Variants in CNTN3 observed in about 807,000 individuals in gnomAD.
The protein encoded by CNTN3 is contactin-3.
A neutral mutation model predicts 119.1 loss-of-function variants in CNTN3; 60 were observed. The ratio of observed to expected loss-of-function variants is 0.50; its 90% CI spans 0.41 to 0.62. CNTN3 has a LOEUF of 0.62. Among genes scored for constraint, CNTN3 ranks in the 20% least tolerant of loss-of-function variants. CNTN3 has a pLI of 0.00. For missense variants in CNTN3, 1,101 were observed against 1,242.4 expected, an observed-to-expected ratio of 0.89 and a Z score of 1.71; for synonymous variants, 450 against 438.7, an observed-to-expected ratio of 1.03 and a Z score of -0.32.
intron 8 of CNTN3, among the ~76,000 whole-genome samples, chr3:74,367,648 GAA>G (rs556422700): frequency 5.8e-4 from 86 of 147,138 alleles, no homozygotes; most frequent in African/African-American, 2.1e-3. Context: ...TGCAGAAAAG[GAA>G]AAAAAAAATA....
At chr3:74,461,142 T>A (rs897899807) in intron 4 of CNTN3, among the ~76,000 whole-genome samples, 2 of 152,056 alleles carry the variant, frequency 1.3e-5, no homozygotes, top group African/African-American at 4.8e-5. Context: ...ATATGATGTG[T>A]TATATTGACT....
At chr3:74,329,532 G>T (rs965455048) in intron 13 of CNTN3, among the ~76,000 whole-genome samples, 3 of 152,118 alleles carry the variant, frequency 2.0e-5, no homozygotes, top group African/African-American at 7.2e-5. Flanking sequence ...TCTCTGTAGG[G>T]AGCCTCTGGC....
At chr3:74,460,834 C>CT (rs534972163) in intron 4 of CNTN3, among the ~76,000 whole-genome samples, 1,109 of 72,714 alleles carry the variant, frequency 0.015, 28 homozygotes, top group African/African-American at 0.048. Context: ...TCATTTCTTT[C>CT]TTTTTTTTTT....
At chr3:74,371,005 C>A (rs529032657) in intron 6 of CNTN3, among the ~76,000 whole-genome samples, 191 bp downstream of exon 6, 1 of 151,972 alleles carries the variant, frequency 6.6e-6, no homozygotes, top group African/African-American at 2.4e-5. Context: ...GAAGCTTGCC[C>A]GGGGTAAGAA....
intron 4 of CNTN3, among the ~76,000 whole-genome samples, chr3:74,451,082 T>A (rs1219005581): frequency 6.6e-6 from 1 of 152,096 alleles, no homozygotes; most frequent in Non-Finnish European, 1.5e-5. Flanking sequence ...CCCTGAGGAA[T>A]CGCCACACTG....
chr3:74,590,777 T>C (rs1215977175), intron 1 of CNTN3, among the ~76,000 whole-genome samples: 1 of 151,976 alleles, frequency 6.6e-6, no homozygotes, highest in Non-Finnish European at 1.5e-5. Flanking sequence ...GAAGACTGAA[T>C]TCATAACATT....
rs672784 is a variant in CNTN3, at chr3:74,302,910, T to C, written c.1669-103A>G. On this transcript the variant is annotated intron_variant, in intron 13 of 22. Coordinates refer to ENST00000263665, the MANE Select transcript of CNTN3 (RefSeq NM_020872.3). ...CAACAACATTGCAATGAAAACTATA[T>C]TTAGGGAGCAAACCAAGGTGGTATA... The C allele has an allele frequency of 0.34, 229,781 of 681,490 alleles. 45,873 individuals are homozygous for C. Among genetic ancestry groups the C allele is most frequent in the East Asian group, 0.72 (27,008 of 37,288 alleles). 42.2% of individuals were successfully genotyped at this position (681,490 alleles called of 1,614,324 possible).
intron 13 of CNTN3, among the ~76,000 whole-genome samples, chr3:74,330,645 T>C (rs764043688): frequency 1.3e-5 from 2 of 152,160 alleles, no homozygotes; most frequent in African/African-American, 2.4e-5. Flanking sequence ...GAGTCTCATA[T>C]AGGTCCTTCA....
chr3:74,427,062 C>T (rs920301209), intron 4 of CNTN3, among the ~76,000 whole-genome samples: 7 of 152,134 alleles, frequency 4.6e-5, no homozygotes, highest in African/African-American at 1.7e-4. Context: ...TCTCTTTTGC[C>T]TAAGCACAAA....
intron 1 of CNTN3, among the ~76,000 whole-genome samples, chr3:74,524,667 C>T (rs1703590414): frequency 6.6e-6 from 1 of 151,766 alleles, no homozygotes. Flanking sequence ...CACCACTCCC[C>T]CATCAACTAC....
intron 5 of CNTN3, among the ~76,000 whole-genome samples, chr3:74,397,953 T>C (rs1283495809): frequency 6.6e-6 from 1 of 152,200 alleles, no homozygotes; most frequent in Non-Finnish European, 1.5e-5. Flanking sequence ...AAGATGTGAC[T>C]GAATTGCTAC....
intron 4 of CNTN3, among the ~76,000 whole-genome samples, chr3:74,451,188 T>G (rs1397434090): frequency 6.6e-6 from 1 of 152,164 alleles, no homozygotes; most frequent in Non-Finnish European, 1.5e-5. Context: ...GTTTCCTGAC[T>G]TTTTAATGAT....
intron 13 of CNTN3, among the ~76,000 whole-genome samples, chr3:74,325,923 C>T (rs1241677455): frequency 3.9e-5 from 6 of 152,106 alleles, no homozygotes; most frequent in South Asian, 4.1e-4. Flanking sequence ...AATGACGAGG[C>T]ATCATTACTT....
chr3:74,375,109 AT>A (rs1186647875), intron 5 of CNTN3, among the ~76,000 whole-genome samples: 1 of 152,218 alleles, frequency 6.6e-6, no homozygotes, highest in East Asian at 1.9e-4. Context: ...TTGAAATGAT[AT>A]GTAACTGAAT....
chr3:74,449,460 T>A (rs1477872624), intron 4 of CNTN3, among the ~76,000 whole-genome samples: 1 of 152,066 alleles, frequency 6.6e-6, no homozygotes, highest in African/African-American at 2.4e-5. Flanking sequence ...CTTTTATTTA[T>A]AATAATCAGC....
chr3:74,419,325 C>T (rs529918651), intron 5 of CNTN3, among the ~76,000 whole-genome samples: 18 of 152,122 alleles, frequency 1.2e-4, no homozygotes, highest in Admixed American at 3.3e-4. Context: ...CTATTCAGTG[C>T]GTTTTCTTCA....
chr3:74,513,500 G>C (rs1418770712), intron 2 of CNTN3, among the ~76,000 whole-genome samples: 2 of 152,074 alleles, frequency 1.3e-5, no homozygotes. Flanking sequence ...ACACTAGAAA[G>C]CTGTCCAGAT....
chr3:74,412,063 T>C (rs1471111921), intron 5 of CNTN3, among the ~76,000 whole-genome samples: 1 of 152,214 alleles, frequency 6.6e-6, no homozygotes, highest in Non-Finnish European at 1.5e-5. Context: ...TAGAATTAGG[T>C]ATAGTTCTGC....
chr3:74,335,449 T>C (rs1703368776), intron 12 of CNTN3, among the ~76,000 whole-genome samples: 1 of 152,118 alleles, frequency 6.6e-6, no homozygotes, highest in Non-Finnish European at 1.5e-5. Flanking sequence ...TGCACATTTC[T>C]TTCTCCCTGT....
Sources: gnomAD v4.1 joint callset for allele counts (sites outside exome capture counted in the v4.1 genomes callset) on GRCh38, gnomAD v4.1.1 for gene constraint, MANE v1.5 for transcripts, NCBI Gene and HGNC (gene_info 2026-07-23, HGNC 2026-07-21) for gene names.